MAGI1: variants seen among roughly 807,000 people sequenced by gnomAD.
MAGI1 encodes membrane associated guanylate kinase, WW and PDZ domain containing 1.
MAGI1 carries 58 observed loss-of-function variants against 139.9 expected under a neutral mutation model. The ratio of observed to expected loss-of-function variants is 0.41; its 90% CI spans 0.34 to 0.52. MAGI1 has a LOEUF of 0.52. Ranked by LOEUF, MAGI1 falls within the 20% of genes least tolerant of loss-of-function variation. The pLI is 0.12. For synonymous variants in MAGI1, 812 were observed against 737.9 expected (o/e 1.10, Z -1.63); for missense variants, 1,874 against 1,901.6 (o/e 0.99, Z 0.27).
chr3:65,995,851 A>G (rs909259681), intron 1 of MAGI1, among the ~76,000 whole-genome samples: 1 of 152,168 alleles, frequency 6.6e-6, no homozygotes, highest in Non-Finnish European at 1.5e-5. Context: ...TTAAAAAGCT[A>G]GCTGCGTGTG....
At chr3:65,934,819 C>T (rs776307980) in intron 1 of MAGI1, among the ~76,000 whole-genome samples, 26 of 147,640 alleles carry the variant, frequency 1.8e-4, no homozygotes, top group Non-Finnish European at 3.4e-4. Flanking sequence ...CAAAGGGGAA[C>T]ATTGAAATCC....
intron 2 of MAGI1, among the ~76,000 whole-genome samples, chr3:65,617,418 G>T (rs1234211806): frequency 6.6e-6 from 1 of 152,194 alleles, no homozygotes; most frequent in Non-Finnish European, 1.5e-5. Flanking sequence ...GCCCTGTCAG[G>T]TAATGCATTT....
At chr3:65,819,996 C>T (rs2041856455) in intron 1 of MAGI1, among the ~76,000 whole-genome samples, 1 of 97,366 alleles carries the variant, frequency 1.0e-5, no homozygotes, top group Non-Finnish European at 2.1e-5. Context: ...AAATATACTG[C>T]ACTGGCATGT....
intron 1 of MAGI1, among the ~76,000 whole-genome samples, chr3:65,921,919 G>GAC (rs35532734): frequency 0.29 from 40,211 of 140,614 alleles, 5,653 homozygotes; most frequent in East Asian, 0.53. Context: ...CCACACACAC[G>GAC]ACACACACAC....
chr3:65,849,664 A>G (rs1293972144), intron 1 of MAGI1, among the ~76,000 whole-genome samples: 2 of 152,096 alleles, frequency 1.3e-5, no homozygotes, highest in Non-Finnish European at 2.9e-5. Context: ...TGAAATAAAG[A>G]ATAAAGCCTG....
At chr3:65,936,954 A>ATGG (rs1191208437) in intron 1 of MAGI1, among the ~76,000 whole-genome samples, 25 of 148,352 alleles carry the variant, frequency 1.7e-4, no homozygotes, top group African/African-American at 3.2e-4. Context: ...GGTGATGGTG[A>ATGG]TGGTGGTGGT....
At chr3:65,894,090 A>G (rs2060873633) in intron 1 of MAGI1, among the ~76,000 whole-genome samples, 1 of 152,152 alleles carries the variant, frequency 6.6e-6, no homozygotes, top group South Asian at 2.1e-4. Context: ...GCTCCACCAT[A>G]ATCACATGGC....
At chr3:66,014,719 C>T (rs573414043) in intron 1 of MAGI1, among the ~76,000 whole-genome samples, 2 of 152,246 alleles carry the variant, frequency 1.3e-5, no homozygotes, top group South Asian at 2.1e-4. Context: ...ATTTCAAGAC[C>T]AAGAGTTAAT....
At chr3:65,938,173 A>C (rs1301415689) in intron 1 of MAGI1, among the ~76,000 whole-genome samples, 1 of 151,910 alleles carries the variant, frequency 6.6e-6, no homozygotes, top group African/African-American at 2.4e-5. Flanking sequence ...ATGAGAAATA[A>C]AGAATTAGGT....
chr3:65,756,745 C>T (rs1417585259), intron 1 of MAGI1, among the ~76,000 whole-genome samples: 1 of 152,120 alleles, frequency 6.6e-6, no homozygotes, highest in Non-Finnish European at 1.5e-5. Flanking sequence ...CATCAGGAGA[C>T]AGTCTTACCT....
chr3:65,788,396 T>C (rs961529753), intron 1 of MAGI1, among the ~76,000 whole-genome samples: 5 of 152,232 alleles, frequency 3.3e-5, no homozygotes, highest in African/African-American at 1.2e-4. Context: ...CTTGCCACCA[T>C]AACAGCTGCT....
At chr3:65,609,192 G>A (rs1435939790) in intron 2 of MAGI1, among the ~76,000 whole-genome samples, 4 of 152,118 alleles carry the variant, frequency 2.6e-5, no homozygotes, top group Non-Finnish European at 4.4e-5. Context: ...CGTGGTGCAT[G>A]TGTGTGCGTA....
intron 1 of MAGI1, among the ~76,000 whole-genome samples, chr3:65,726,915 T>C (rs1183144419): frequency 7.2e-6 from 1 of 138,520 alleles, no homozygotes; most frequent in Non-Finnish European, 1.5e-5. Flanking sequence ...AGGTTGAGTA[T>C]CCCTAATCCA....
chr3:65,551,723 T>A lies in MAGI1; in HGVS notation c.431-58092A>T, dbSNP rs560748604. On this transcript the variant is annotated intron_variant, in intron 2 of 22. Coordinates refer to ENST00000402939, the MANE Select transcript of MAGI1 (RefSeq NM_001033057.2). Reference sequence around the variant, plus strand: ...CACTTCACATAATACTAGAATGATTTTTCCATGTGACTTACAGAAGCAGAA... The same window carrying A: ...CACTTCACATAATACTAGAATGATTATTCCATGTGACTTACAGAAGCAGAA... Among the ~76,000 whole-genome samples the A allele has an allele frequency of 3.9e-5, 6 of 152,382 alleles. No homozygotes were observed. The South Asian group carries it at 1.2e-3, about 32-fold the overall frequency.
chr3:65,543,899 T>C (rs974911732), intron 2 of MAGI1, among the ~76,000 whole-genome samples: 1 of 152,084 alleles, frequency 6.6e-6, no homozygotes, highest in Non-Finnish European at 1.5e-5. Flanking sequence ...CTTACAAGTA[T>C]AATAATAATA....
At chr3:65,881,856 G>T (rs542374160) in intron 1 of MAGI1, among the ~76,000 whole-genome samples, 1 of 152,200 alleles carries the variant, frequency 6.6e-6, no homozygotes, top group African/African-American at 2.4e-5. Flanking sequence ...ATCTAAGTAG[G>T]TTGTGGTCAA....
At chr3:65,862,411 CCTTT>C (rs2108447765) in intron 1 of MAGI1, among the ~76,000 whole-genome samples, 1 of 152,294 alleles carries the variant, frequency 6.6e-6, no homozygotes, top group East Asian at 1.9e-4. Flanking sequence ...AGCCCTCTTC[CCTTT>C]CTGTCTCTGT....
chr3:65,664,930 G>A (rs62245028), intron 1 of MAGI1, among the ~76,000 whole-genome samples: 1,891 of 152,274 alleles, frequency 0.012, 18 homozygotes, highest in Non-Finnish European at 0.02. Context: ...CAAGAAGGCT[G>A]TATATGGCCT....
intron 1 of MAGI1, among the ~76,000 whole-genome samples, chr3:65,933,988 T>TAAAAATACAAAAAAATACAGA (rs2062927864): frequency 6.6e-6 from 1 of 151,886 alleles, no homozygotes; most frequent in African/African-American, 2.4e-5. Context: ...TTAGCTGGGC[T>TAAAAATACAAAAAAATACAGA]TGGTGGTGGG....
Sources: gnomAD v4.1 joint callset for allele counts (sites outside exome capture counted in the v4.1 genomes callset) on GRCh38, gnomAD v4.1.1 for gene constraint, MANE v1.5 for transcripts, NCBI Gene and HGNC (gene_info 2026-07-23, HGNC 2026-07-21) for gene names.